NCAM2: variants seen among roughly 807,000 people sequenced by gnomAD.
NCAM2 encodes the protein neural cell adhesion molecule 2.
NCAM2 carries 30 observed loss-of-function variants against 98.1 expected under a neutral mutation model. That is an observed-to-expected ratio of 0.31 (90% CI 0.23 to 0.41). The LOEUF (loss-of-function observed/expected upper bound fraction) is 0.41. Ranked by LOEUF, NCAM2 falls within the 10% of genes least tolerant of loss-of-function variation. The probability of loss-of-function intolerance (pLI) is 1.00; values close to 1 mark genes in which losing one functional copy is unlikely to be tolerated. For missense variants in NCAM2, 867 were observed against 1,005.8 expected (o/e 0.86, Z 1.87); for synonymous variants, 368 against 342.4 (o/e 1.07, Z -0.83).
At chr21:21,401,877 G>A (rs184857394) in intron 9 of NCAM2, among the ~76,000 whole-genome samples, 7 of 152,240 alleles carry the variant, frequency 4.6e-5, no homozygotes, top group East Asian at 3.9e-4. Flanking sequence ...CAGAGGGACC[G>A]GCTGGAGCTG....
At chr21:21,168,222 G>GA (rs1162826785) in intron 1 of NCAM2, among the ~76,000 whole-genome samples, 2 of 151,506 alleles carry the variant, frequency 1.3e-5, no homozygotes, top group Admixed American at 6.6e-5. Context: ...CCTAGATACA[G>GA]AAAAAAAATC....
At chr21:21,296,524 G>A (rs903308523) in intron 5 of NCAM2, among the ~76,000 whole-genome samples, 1 of 151,728 alleles carries the variant, frequency 6.6e-6, no homozygotes, top group Non-Finnish European at 1.5e-5. Flanking sequence ...AGGTGGAGGT[G>A]CAGCTGAAAA....
intron 16 of NCAM2, among the ~76,000 whole-genome samples, chr21:21,516,462 A>G (rs927351445): frequency 6.6e-6 from 1 of 152,150 alleles, no homozygotes; most frequent in Non-Finnish European, 1.5e-5. Context: ...TTTATTTTTC[A>G]AAATTGAAAA....
At chr21:21,329,258 T>C (rs1275346744) in intron 6 of NCAM2, among the ~76,000 whole-genome samples, 4 of 152,186 alleles carry the variant, frequency 2.6e-5, no homozygotes, top group Admixed American at 2.6e-4. Flanking sequence ...AAAACACTTT[T>C]ATACCATATT....
chr21:21,359,464 A>T (rs1049982088), intron 8 of NCAM2, among the ~76,000 whole-genome samples: 3 of 151,950 alleles, frequency 2.0e-5, no homozygotes, highest in Non-Finnish European at 4.4e-5. Context: ...TTTTTGAAAT[A>T]ATTCTAGATA....
At chr21:21,055,425 T>C (rs1241520624) in intron 1 of NCAM2, among the ~76,000 whole-genome samples, 1 of 152,068 alleles carries the variant, frequency 6.6e-6, no homozygotes, top group African/African-American at 2.4e-5. Context: ...GAAAACTACA[T>C]TGACTATTCC....
At chr21:21,270,324 T>G (rs538705741) in intron 1 of NCAM2, among the ~76,000 whole-genome samples, 1 of 152,308 alleles carries the variant, frequency 6.6e-6, no homozygotes, top group African/African-American at 2.4e-5. Context: ...ACTCAGGGCC[T>G]AACTACCACA....
intron 6 of NCAM2, among the ~76,000 whole-genome samples, chr21:21,331,694 A>G (rs1187304807): frequency 2.2e-5 from 3 of 136,488 alleles, no homozygotes; most frequent in Non-Finnish European, 4.7e-5. Context: ...GGTTCAGGCA[A>G]TTCTCCTGCC....
At chr21:21,088,545 T>C (rs1360320626) in intron 1 of NCAM2, among the ~76,000 whole-genome samples, 1 of 152,216 alleles carries the variant, frequency 6.6e-6, no homozygotes, top group African/African-American at 2.4e-5. Flanking sequence ...ACAACCTCCA[T>C]GATCTATAAT....
chr21:21,264,498 C>G (rs1030735958), intron 1 of NCAM2, among the ~76,000 whole-genome samples: 1 of 151,668 alleles, frequency 6.6e-6, no homozygotes, highest in Non-Finnish European at 1.5e-5. Context: ...TTATTCAGTA[C>G]CTAAGCAAAG....
chr21:21,216,645 G>A (rs2069912553), intron 1 of NCAM2, among the ~76,000 whole-genome samples: 1 of 152,174 alleles, frequency 6.6e-6, no homozygotes, highest in Non-Finnish European at 1.5e-5. Context: ...AACCATGCAT[G>A]CCCAGTTCCT....
At chr21:21,038,330 CAT>C (rs1295367445) in intron 1 of NCAM2, among the ~76,000 whole-genome samples, 2 of 152,140 alleles carry the variant, frequency 1.3e-5, no homozygotes, top group Admixed American at 6.5e-5. Context: ...AAAGAAAAAA[CAT>C]ATTTGTTGTT....
chr21:21,386,807 T>G (rs1424342221), intron 9 of NCAM2, among the ~76,000 whole-genome samples: 2 of 152,184 alleles, frequency 1.3e-5, no homozygotes, highest in Non-Finnish European at 2.9e-5. Flanking sequence ...ATCCTTGAGA[T>G]GATAAGCCTT....
chr21:21,061,533 C>T (rs918015825), intron 1 of NCAM2, among the ~76,000 whole-genome samples: 5 of 152,006 alleles, frequency 3.3e-5, no homozygotes, highest in Non-Finnish European at 7.4e-5. Flanking sequence ...GATTGATAAC[C>T]TGATTGGAAA....
chr21:21,150,952 C>CT (rs527415813), intron 1 of NCAM2, among the ~76,000 whole-genome samples: 9 of 144,264 alleles, frequency 6.2e-5, no homozygotes, highest in Non-Finnish European at 7.6e-5. Context: ...TCTTGGCTAA[C>CT]TTTTTTTTGT....
At chr21:21,463,616 C>T (rs555283370) in intron 12 of NCAM2, 1 of 152,074 alleles carries the variant, frequency 6.6e-6, no homozygotes, top group African/African-American at 2.4e-5. Context: ...ATGTGAAACT[C>T]GGTCAGTACA....
intron 1 of NCAM2, among the ~76,000 whole-genome samples, chr21:21,251,063 G>T (rs1481990680): frequency 6.6e-6 from 1 of 152,156 alleles, no homozygotes; most frequent in Admixed American, 6.5e-5. Context: ...CTGGGGAAAG[G>T]ATTAAATGTG....
chr21:21,187,372 C>T (rs986797134), intron 1 of NCAM2, among the ~76,000 whole-genome samples: 2 of 152,116 alleles, frequency 1.3e-5, no homozygotes, highest in Non-Finnish European at 2.9e-5. Flanking sequence ...TCATGCTGCA[C>T]CACATACTTT....
At chr21:21,355,798 T>C (rs1241962263) in intron 8 of NCAM2, among the ~76,000 whole-genome samples, 1 of 151,678 alleles carries the variant, frequency 6.6e-6, no homozygotes, top group Non-Finnish European at 1.5e-5. Context: ...GTATGTTTAG[T>C]AGAGACCAGC....
Sources: allele counts gnomAD v4.1 joint callset (sites outside exome capture counted in the v4.1 genomes callset), GRCh38; gene constraint gnomAD v4.1.1; transcripts MANE v1.5; gene names NCBI Gene and HGNC (gene_info 2026-07-23, HGNC 2026-07-21).